FUT9: variants seen among roughly 807,000 people sequenced by gnomAD.
The protein encoded by FUT9 is 4-galactosyl-N-acetylglucosaminide 3-alpha-L-fucosyltransferase 9.
Under a neutral mutation model 29.7 loss-of-function variants are expected in FUT9, and 15 were observed. That is an observed-to-expected ratio of 0.51 (90% CI 0.34 to 0.78). The LOEUF is 0.78. Among genes scored for constraint, FUT9 ranks in the 30% least tolerant of loss-of-function variants. The pLI is 0.01. For synonymous variants in FUT9, 169 were observed against 153.7 expected (o/e 1.10, Z -0.74); for missense variants, 319 against 425.4 (o/e 0.75, Z 2.20).
intron 2 of FUT9, among the ~76,000 whole-genome samples, chr6:96,125,852 T>A (rs1772124066): frequency 6.6e-6 from 1 of 152,224 alleles, no homozygotes; most frequent in African/African-American, 2.4e-5. Flanking sequence ...CCTTCGTTTA[T>A]TTTCATTATA....
At chr6:96,046,755 A>C (rs1770570935) in intron 1 of FUT9, among the ~76,000 whole-genome samples, 1 of 152,212 alleles carries the variant, frequency 6.6e-6, no homozygotes, top group Admixed American at 6.5e-5. Flanking sequence ...TGTTTTATCT[A>C]TCATATATGT....
chr6:96,177,483 G>T (rs1049363086), intron 2 of FUT9, among the ~76,000 whole-genome samples: 1 of 151,958 alleles, frequency 6.6e-6, no homozygotes, highest in Admixed American at 6.6e-5. Context: ...GCTAAATAAA[G>T]CTTGACCACC....
chr6:96,138,363 TC>T (rs2127972067), intron 2 of FUT9, among the ~76,000 whole-genome samples: 1 of 152,354 alleles, frequency 6.6e-6, no homozygotes, highest in Non-Finnish European at 1.5e-5. Context: ...TCTATTTTTT[TC>T]TTTGTTTTAC....
At chr6:96,079,857 C>T (rs2127950369) in intron 1 of FUT9, among the ~76,000 whole-genome samples, 3 of 152,090 alleles carry the variant, frequency 2.0e-5, no homozygotes, top group Admixed American at 2.0e-4. Context: ...GGAAAAACTA[C>T]TTGCTAAATT....
chr6:96,084,025 C>T (rs76666243), intron 1 of FUT9, among the ~76,000 whole-genome samples: 6,624 of 152,022 alleles, frequency 0.044, 176 homozygotes, highest in East Asian at 0.087. Flanking sequence ...AGGTCTTAAC[C>T]TTTCAGAATG....
At chr6:96,071,349 A>T (rs557754370) in intron 1 of FUT9, among the ~76,000 whole-genome samples, 4 of 152,290 alleles carry the variant, frequency 2.6e-5, no homozygotes, top group African/African-American at 9.6e-5. Flanking sequence ...CTGGTAAGGG[A>T]TAGTATGTTC....
At chr6:96,164,419 C>T (rs912703069) in intron 2 of FUT9, among the ~76,000 whole-genome samples, 5 of 151,946 alleles carry the variant, frequency 3.3e-5, no homozygotes, top group Admixed American at 3.3e-4. Context: ...CCACCGCTCC[C>T]GGCTAATTTT....
chr6:96,204,137 C>T lies in FUT9; in HGVS notation c.982C>T (p.Arg328Ter), dbSNP rs766369259. The T allele has an allele frequency of 3.4e-6, 5 of 1,490,050 alleles. No homozygotes were observed. The highest frequency in any genetic ancestry group is 1.5e-5 in the South Asian group (1 of 67,386). 92.3% of individuals were successfully genotyped at this position (1,490,050 alleles called of 1,614,324 possible). A position where few individuals can be genotyped will look rare whatever the true frequency, so the allele number is the denominator to read the frequency against. Residue 328 changes from arginine (R) to a stop codon, truncating the protein, a stop_gained, in exon 3 of 3, where the codon CGA (arginine) becomes TGA (stop). Transcript: ENST00000302103. LOFTEE classifies it high-confidence loss of function. Reference protein sequence around the residue: ...WRKDFTVNLPRFWESHACLAC... With the variant: ...WRKDFTVNLP ...GAAGGATTTCACTGTAAATCTTCCA[C>T]GATTTTGGGAATCACATGCATGTTT...
At chr6:96,192,602 A>G (rs1290342747) in intron 2 of FUT9, among the ~76,000 whole-genome samples, 2 of 152,184 alleles carry the variant, frequency 1.3e-5, no homozygotes, top group Non-Finnish European at 2.9e-5. Context: ...AGGAAGAATC[A>G]ATATCGTGAA....
intron 2 of FUT9, among the ~76,000 whole-genome samples, chr6:96,145,382 A>C (rs1772547410): frequency 6.6e-6 from 1 of 152,108 alleles, no homozygotes; most frequent in African/African-American, 2.4e-5. Flanking sequence ...TCATCCATTA[A>C]ACAGACATTA....
chr6:96,112,670 G>A (rs940753301), intron 1 of FUT9, among the ~76,000 whole-genome samples: 7 of 152,168 alleles, frequency 4.6e-5, no homozygotes, highest in Admixed American at 1.3e-4. Flanking sequence ...GTGCGCAAGC[G>A]TGTGTGCATG....
In FUT9 at chr6:96,204,034, C is replaced by T. The variant is rs138917684; in HGVS notation, c.879C>T (p.Asn293=). 86 of 1,596,422 alleles carry T rather than the reference C, an allele frequency of 5.4e-5. No homozygotes were observed. The highest frequency in any genetic ancestry group is 7.0e-5 in the Non-Finnish European group (82 of 1,171,286). ...CATTCATTCATGTGGAAGATTATAA[C>T]TCTCCCAGTGAGCTAGCAAAGTATC... ...ADSFIHVEDY[N]SPSELAKYLK... is the part of the protein sequence containing the mutation. Residue 293 remains asparagine (N), a synonymous_variant, in exon 3 of 3, where the codon AAC becomes AAT. Transcript: ENST00000302103.
chr6:96,169,528 GT>G (rs1773073851), intron 2 of FUT9, among the ~76,000 whole-genome samples: 1 of 152,048 alleles, frequency 6.6e-6, no homozygotes, highest in Non-Finnish European at 1.5e-5. Flanking sequence ...ATAGTGTTTT[GT>G]TTTTATATTG....
At chr6:96,074,742 G>C (rs1388769434) in intron 1 of FUT9, among the ~76,000 whole-genome samples, 2 of 151,904 alleles carry the variant, frequency 1.3e-5, no homozygotes, top group Non-Finnish European at 2.9e-5. Flanking sequence ...TAAAATATAG[G>C]CAATAAAGTA....
chr6:96,119,789 A>T (rs867611250), intron 2 of FUT9, among the ~76,000 whole-genome samples: 1 of 152,200 alleles, frequency 6.6e-6, no homozygotes, highest in Non-Finnish European at 1.5e-5. Context: ...TTACTAATCA[A>T]TAAATCAAGC....
At chr6:96,079,605 G>T (rs750678534) in intron 1 of FUT9, among the ~76,000 whole-genome samples, 1 of 151,984 alleles carries the variant, frequency 6.6e-6, no homozygotes, top group Non-Finnish European at 1.5e-5. Context: ...CTCGATATTG[G>T]CATCACCAGT....
At chr6:96,016,606 G>C (rs528978668) in intron 1 of FUT9, among the ~76,000 whole-genome samples, 2 of 152,126 alleles carry the variant, frequency 1.3e-5, no homozygotes, top group African/African-American at 4.8e-5. Context: ...CCGATCTCGC[G>C]CTGACAAAGC....
chr6:96,180,800 T>C (rs1773292526), intron 2 of FUT9, among the ~76,000 whole-genome samples: 1 of 152,076 alleles, frequency 6.6e-6, no homozygotes, highest in Non-Finnish European at 1.5e-5. Context: ...AACAGTATTC[T>C]ATTGTGTATA....
intron 1 of FUT9, among the ~76,000 whole-genome samples, chr6:96,068,681 G>A (rs1214193373): frequency 6.6e-6 from 1 of 152,194 alleles, no homozygotes; most frequent in African/African-American, 2.4e-5. Context: ...GGGCTAAGCT[G>A]TTACTAGAGA....
Sources: allele counts gnomAD v4.1 joint callset (sites outside exome capture counted in the v4.1 genomes callset), GRCh38; gene constraint gnomAD v4.1.1; transcripts MANE v1.5; gene names NCBI Gene and HGNC (gene_info 2026-07-23, HGNC 2026-07-21).